The following GNB1L variants were observed in gnomAD, a reference collection of about 807,000 sequenced individuals.
GNB1L encodes the protein guanine nucleotide-binding protein subunit beta-like protein 1.
In GNB1L, 20 loss-of-function variants were observed where a neutral mutation model predicts 29.1. That is an observed-to-expected ratio of 0.69 (90% CI 0.48 to 1.00). The LOEUF (loss-of-function observed/expected upper bound fraction) is 1.00. GNB1L is among the 50% of genes least tolerant of loss of function. The pLI, the probability that GNB1L is intolerant of heterozygous loss-of-function variation, is 0.00. For synonymous variants in GNB1L, 193 were observed against 206.5 expected (o/e 0.93, Z 0.56); for missense variants, 421 against 464.9 (o/e 0.91, Z 0.87).
At chr22:19,831,062 A>C (rs1937672164) in intron 2 of GNB1L, among the ~76,000 whole-genome samples, 2 of 152,226 alleles carry the variant, frequency 1.3e-5, no homozygotes, top group African/African-American at 4.8e-5. Flanking sequence ...CTGCATTATT[A>C]ACATGGTTGT....
intron 6 of GNB1L, among the ~76,000 whole-genome samples, chr22:19,804,106 T>G (rs2145869364): frequency 6.6e-6 from 1 of 152,362 alleles, no homozygotes; most frequent in South Asian, 2.1e-4. Flanking sequence ...TGCCAGCCCC[T>G]GCTATGCCCC....
At chr22:19,792,390 G>C in intron 7 of GNB1L, 1 of 1,461,690 alleles carries the variant, frequency 6.8e-7, no homozygotes, top group Non-Finnish European at 9.5e-7. Context: ...TCCCCTGTTT[G>C]AGAAAAGGCC....
Position 19,823,389 on chromosome 22 carries a change from G to A in GNB1L, c.-20-2014C>T, listed in dbSNP as rs1312884045. On this transcript the variant is annotated intron_variant, in intron 2 of 7. Transcript: ENST00000329517. ...TCCAAGACTCCTGAAGACGCAGCCA[G>A]GCCGGGGGCTGGAACAGCTGCCCTC... is the stretch of plus-strand genomic sequence containing the variant. 2.0e-5 allele frequency among the ~76,000 whole-genome samples: 3 copies of A among 152,220 alleles called. No homozygotes were observed. The South Asian group carries it at 6.2e-4, about 32-fold the overall frequency.
chr22:19,837,127 C>T (rs187175159), intron 2 of GNB1L, among the ~76,000 whole-genome samples: 16 of 152,180 alleles, frequency 1.1e-4, no homozygotes, highest in South Asian at 6.2e-4. Context: ...CCACCACACC[C>T]GGCTAATTTT....
At chr22:19,847,482 C>G (rs1479292550) in intron 2 of GNB1L, 2 of 985,434 alleles carry the variant, frequency 2.0e-6, no homozygotes, top group Non-Finnish European at 2.4e-6. Context: ...CTCATTCAAC[C>G]CTTCTAACCA....
chr22:19,847,935 A>G, intron 2 of GNB1L: 2 of 985,154 alleles, frequency 2.0e-6, no homozygotes, highest in South Asian at 9.4e-5. Context: ...ACTATTTTCC[A>G]GAGGGCCAAC....
intron 2 of GNB1L, chr22:19,847,313 C>T: frequency 1.2e-5 from 12 of 985,206 alleles, no homozygotes; most frequent in Non-Finnish European, 1.4e-5. Context: ...CAATCTGGCT[C>T]ATGCTGACTG....
At position 19,788,460 on chromosome 22, in the gene GNB1L, G is replaced by A. The variant is rs900844305; in HGVS notation, c.*249C>T. ...TAAAATACCCTCAGCTGGCAACACAGCAGGCCCAAGCCAACGTCTCCTGCA... is the reference window on the plus strand; with the variant it reads ...TAAAATACCCTCAGCTGGCAACACAACAGGCCCAAGCCAACGTCTCCTGCA... On this transcript the variant is annotated 3_prime_UTR_variant, in exon 8 of 8. Transcript: ENST00000329517. 1.1e-5 allele frequency: 7 copies of A among 613,052 alleles called. No homozygotes were observed. The highest frequency in any genetic ancestry group is 5.5e-5 in the African/African-American group (3 of 54,166). 38.0% of individuals were successfully genotyped at this position (613,052 alleles called of 1,614,324 possible).
Position 19,788,813 on chromosome 22 carries a change from G to A in GNB1L, c.880C>T (p.His294Tyr). The change falls in exon 8 of 8, where the codon CAC becomes TAC. Residue 294 changes from histidine (H) to tyrosine (Y), a missense_variant. Coordinates refer to ENST00000329517, the MANE Select transcript of GNB1L (RefSeq NM_053004.3). ...TMQPLAVLAF[H>Y]SAAVQCVAFT... ...GCCACGCACTGGACAGCGGCGCTGT[G>A]GAAGGCCAGCACGGCCAGTGGCTGC... 6.2e-7 allele frequency: 1 copy of A among 1,612,702 alleles called. No homozygotes were observed. Among genetic ancestry groups the A allele is most frequent in the Non-Finnish European group, 8.5e-7 (1 of 1,179,892 alleles).
intron 2 of GNB1L, among the ~76,000 whole-genome samples, chr22:19,831,508 G>A (rs948626996): frequency 1.3e-5 from 2 of 151,630 alleles, no homozygotes; most frequent in Non-Finnish European, 2.9e-5. Context: ...TGACTAACAC[G>A]GTGAAACCCC....
At position 19,788,905 on chromosome 22, in the gene GNB1L, GGCCGGATCGTGACCTCGGC is replaced by G. The variant is rs1192546650; in HGVS notation, c.769_787del (p.Ala257GlnfsTer90). ...TGCGGTGGCCAGGATCTTGCGATCT[GGCCGGATCGTGACCTCGGC>G]GATCCCGGGATTGGTGAGTTCATGA... On this transcript the variant is annotated frameshift_variant, in exon 8 of 8. Transcript: ENST00000329517. LOFTEE classifies it high-confidence loss of function. The G allele has an allele frequency of 1.2e-5, 20 of 1,612,270 alleles. No homozygotes were observed. Among genetic ancestry groups the G allele is most frequent in the Non-Finnish European group, 1.6e-5 (19 of 1,179,434 alleles).
Position 19,821,211 on chromosome 22 carries a change from G to C in GNB1L, c.128+17C>G, listed in dbSNP as rs1388570265. The C allele has an allele frequency of 1.9e-6, 3 of 1,601,656 alleles. No homozygotes were observed. The highest frequency in any genetic ancestry group is 1.7e-5 in the Admixed American group (1 of 59,460). ...CTTGGCCCTGGGTGGCCTGGGGCTGGGGCCACAGCTACTCACCCTGAGAAG... is the reference window on the plus strand; with the variant it reads ...CTTGGCCCTGGGTGGCCTGGGGCTGCGGCCACAGCTACTCACCCTGAGAAG... On this transcript the variant is annotated intron_variant, in intron 3 of 7. Coordinates refer to ENST00000329517, the MANE Select transcript of GNB1L (RefSeq NM_053004.3).
Position 19,788,863 on chromosome 22 carries a change from ATGCGGTGGTCCCAGCC to A in GNB1L, c.814_829del (p.Gly272SerfsTer76). Reference sequence around the variant, plus strand: ...CATCGTCCGCCAGTGGAACACGCGGATGCGGTGGTCCCAGCCTGCGGTGGCCAGGATCTTGCGATCT... The same window carrying A: ...CATCGTCCGCCAGTGGAACACGCGGATGCGGTGGCCAGGATCTTGCGATCT... On this transcript the variant is annotated frameshift_variant, in exon 8 of 8. Transcript: ENST00000329517. LOFTEE classifies it high-confidence loss of function. 1 of 1,612,882 alleles carries A rather than the reference ATGCGGTGGTCCCAGCC, an allele frequency of 6.2e-7. No individual in the cohort carries two copies. The highest frequency in any genetic ancestry group is 8.5e-7 in the Non-Finnish European group (1 of 1,179,956).
chr22:19,792,653 G>A, intron 7 of GNB1L: 3 of 1,545,164 alleles, frequency 1.9e-6, no homozygotes, highest in Middle Eastern at 2.3e-4. Context: ...GGGCTGAGAA[G>A]AAAGCTGCTG....
intron 7 of GNB1L, among the ~76,000 whole-genome samples, chr22:19,795,555 G>A (rs113192247): frequency 5.9e-4 from 90 of 152,274 alleles, no homozygotes; most frequent in African/African-American, 2.0e-3. Flanking sequence ...ATTGCACTGC[G>A]TGCATTCACT....
intron 2 of GNB1L, among the ~76,000 whole-genome samples, chr22:19,824,916 A>T (rs545311579): frequency 6.6e-6 from 1 of 152,282 alleles, no homozygotes; most frequent in Non-Finnish European, 1.5e-5. Context: ...GACAGGCCTC[A>T]GCTCAGCCTG....
intron 2 of GNB1L, among the ~76,000 whole-genome samples, chr22:19,832,539 A>G (rs1937697513): frequency 6.6e-6 from 1 of 152,118 alleles, no homozygotes. Context: ...ACTTGGATAA[A>G]ACTCCAAATT....
chr22:19,811,082 C>G (rs1937495136), intron 5 of GNB1L, among the ~76,000 whole-genome samples: 1 of 152,214 alleles, frequency 6.6e-6, no homozygotes, highest in African/African-American at 2.4e-5. Context: ...AGGAAGCACG[C>G]CCCTCTTTCT....
intron 7 of GNB1L, chr22:19,792,549 G>T (rs1424874940): frequency 1.9e-6 from 3 of 1,556,486 alleles, no homozygotes; most frequent in Middle Eastern, 2.3e-4. Context: ...GTTCACCTAG[G>T]CCCTGGACTG....
Sources: allele counts gnomAD v4.1 joint callset (sites outside exome capture counted in the v4.1 genomes callset), GRCh38; gene constraint gnomAD v4.1.1; transcripts MANE v1.5; gene names NCBI Gene and HGNC (gene_info 2026-07-23, HGNC 2026-07-21).